NPM1: variants seen among roughly 807,000 people sequenced by gnomAD.
The protein encoded by NPM1 is nucleophosmin.
In NPM1, 1 loss-of-function variant was observed where a neutral mutation model predicts 44.1. The ratio of observed to expected loss-of-function variants is 0.02; its 90% CI spans 0.01 to 0.11. The LOEUF (loss-of-function observed/expected upper bound fraction) is 0.11. NPM1 is among the 10% of genes least tolerant of loss of function. The pLI is 1.00. For missense variants in NPM1, 197 were observed against 347.8 expected, an observed-to-expected ratio of 0.57 and a Z score of 3.45; for synonymous variants, 126 against 111.8, an observed-to-expected ratio of 1.13 and a Z score of -0.80.
chr5:171,388,129 TG>T lies in NPM1; in HGVS notation c.58+124del, dbSNP rs948287742. ...GAGACCGCCAGACCGACGGGAGGCC[TG>T]AGCGGGTGGGAAGAGCTGCCTGAGC... On this transcript the variant is annotated intron_variant, in intron 1 of 10. Coordinates refer to ENST00000296930, the MANE Select transcript of NPM1 (RefSeq NM_002520.7). The T allele has an allele frequency of 4.1e-5, 37 of 898,636 alleles. No individual in the cohort carries two copies. The African/African-American group carries it at 5.3e-4, about 13-fold the overall frequency. 55.7% of individuals were successfully genotyped at this position (898,636 alleles called of 1,614,324 possible).
chr5:171,409,917 C>T (rs1438024923), intron 10 of NPM1, among the ~76,000 whole-genome samples: 2 of 152,174 alleles, frequency 1.3e-5, no homozygotes, highest in South Asian at 2.1e-4. Context: ...ACCTCAGCCT[C>T]CTGAGTAGCT....
intron 9 of NPM1, 43 bp downstream of exon 9, chr5:171,405,446 A>C: frequency 1.2e-6 from 1 of 836,910 alleles, no homozygotes; most frequent in Non-Finnish European, 2.0e-6. Context: ...CCCCCCTCAA[A>C]TTGCACGTGT....
At chr5:171,397,216 T>C (rs1301939886) in intron 6 of NPM1, among the ~76,000 whole-genome samples, 3 of 152,250 alleles carry the variant, frequency 2.0e-5, no homozygotes, top group Admixed American at 6.5e-5. Context: ...ATCCATGTTA[T>C]AGCATTATCA....
intron 8 of NPM1, among the ~76,000 whole-genome samples, chr5:171,402,966 T>C (rs1011254235): frequency 1.1e-4 from 13 of 114,362 alleles, no homozygotes; most frequent in African/African-American, 3.3e-4. Context: ...TTTTTTTTTT[T>C]CATTTTATTT....
intron 9 of NPM1, chr5:171,406,348 C>A: frequency 2.6e-6 from 4 of 1,510,126 alleles, no homozygotes; most frequent in Admixed American, 1.7e-5. Context: ...CTTTTAGATG[C>A]CCCTCCCCTC....
rs1771385851 is a variant in NPM1, at chr5:171,403,725, C to T, written c.670-1577C>T. 4.2e-5 allele frequency among the ~76,000 whole-genome samples: 6 copies of T among 143,540 alleles called. No homozygotes were observed. In the South Asian group the frequency reaches 1.4e-3, roughly 32 times the overall value. 94.2% of individuals were successfully genotyped at this position (143,540 alleles called of 152,430 possible). A position where few individuals can be genotyped will look rare whatever the true frequency, so the allele number is the denominator to read the frequency against. On this transcript the variant is annotated intron_variant, in intron 8 of 10. Transcript: ENST00000296930. ...CTCCCTCCCGGACAGGGCGGCCGGC[C>T]GGGCGGGGGGCTGACCCCCCCACCT... is the stretch of plus-strand genomic sequence containing the variant.
chr5:171,408,491 G>GT (rs902088439), intron 10 of NPM1, among the ~76,000 whole-genome samples: 9 of 151,856 alleles, frequency 5.9e-5, no homozygotes, highest in South Asian at 4.2e-4. Context: ...CAATTAGCTG[G>GT]TTTTTTTTCT....
chr5:171,407,443 G>C, intron 9 of NPM1: 1 of 470,952 alleles, frequency 2.1e-6, no homozygotes, highest in East Asian at 3.8e-5. Context: ...CTCAAGTGTA[G>C]CTTATATTTT....
chr5:171,391,147 C>T (rs1305691698), intron 2 of NPM1, 158 bp from the exon 3 acceptor site: 8 of 815,510 alleles, frequency 9.8e-6, no homozygotes, highest in Non-Finnish European at 1.5e-5. Flanking sequence ...TGTATAAGCA[C>T]ATTCTTATGA....
At chr5:171,403,750 T>C (rs1771389638) in intron 8 of NPM1, among the ~76,000 whole-genome samples, 1 of 121,136 alleles carries the variant, frequency 8.3e-6, no homozygotes, top group Non-Finnish European at 1.7e-5. Flanking sequence ...CCCCCCCACC[T>C]CCCTCCCGGA....
intron 8 of NPM1, among the ~76,000 whole-genome samples, chr5:171,402,320 G>C (rs977803349): frequency 4.6e-5 from 7 of 151,144 alleles, no homozygotes; most frequent in African/African-American, 1.7e-4. Flanking sequence ...TCTCACACCA[G>C]TCAGAATAGC....
At chr5:171,397,820 A>G (rs1171309263) in intron 6 of NPM1, among the ~76,000 whole-genome samples, 1 of 69,866 alleles carries the variant, frequency 1.4e-5, no homozygotes, top group Non-Finnish European at 3.2e-5. Flanking sequence ...TTTTTTTTTG[A>G]CAAGTCTCTG....
At chr5:171,403,002 A>C (rs1294110797) in intron 8 of NPM1, among the ~76,000 whole-genome samples, 1 of 48,208 alleles carries the variant, frequency 2.1e-5, no homozygotes, top group Non-Finnish European at 4.4e-5. Context: ...TTTTATTTTT[A>C]TTTTTTTTTT....
At chr5:171,394,917 G>C (rs914016032) in intron 6 of NPM1, among the ~76,000 whole-genome samples, 4 of 152,064 alleles carry the variant, frequency 2.6e-5, no homozygotes, top group Non-Finnish European at 5.9e-5. Flanking sequence ...GGTGGCTCAC[G>C]CCTGTAATCC....
At chr5:171,400,696 T>C (rs895361393) in intron 7 of NPM1, 143 bp from the exon 8 acceptor site, 20 of 577,120 alleles carry the variant, frequency 3.5e-5, no homozygotes, top group Non-Finnish European at 6.2e-5. Context: ...TCCACCTGCC[T>C]CGGCCTCCCA....
chr5:171,399,101 G>A (rs1032081498), intron 6 of NPM1, among the ~76,000 whole-genome samples: 2 of 152,130 alleles, frequency 1.3e-5, no homozygotes, highest in Non-Finnish European at 2.9e-5. Flanking sequence ...TGGCCGTCTC[G>A]GCCTCCTAAA....
chr5:171,391,632 C>A, intron 3 of NPM1, 74 bp from the exon 4 acceptor site: 1 of 1,191,286 alleles, frequency 8.4e-7, no homozygotes, highest in Non-Finnish European at 1.2e-6. Flanking sequence ...GTTGATTTGG[C>A]TTATGTGTTT....
rs147806769 is a variant in NPM1, at chr5:171,391,423, C to T, written c.257C>T (p.Thr86Met). Residue 86 changes from threonine to methionine, a missense_variant and splice_region_variant, in exon 3 of 11, where the codon ACG becomes ATG. Physicochemically the swap from Thr to Met is moderately conservative, Grantham distance 81. Around this residue, in one of 5 missense-constraint regions of NPM1, gnomAD observed 43 missense variants for 109.6 expected, o/e 0.39. Transcript: ENST00000296930. Reference protein sequence around the residue: ...LATLKMSVQPTVSLGGFEITP... With the variant: ...LATLKMSVQPMVSLGGFEITP... ...ACTTTGAAAATGTCTGTACAGCCAACGGTAAGGGCACTTACATACTTTGGA... is the reference window on the plus strand; with the variant it reads ...ACTTTGAAAATGTCTGTACAGCCAATGGTAAGGGCACTTACATACTTTGGA... The T allele has an allele frequency of 7.8e-5, 126 of 1,606,170 alleles. No individual in the cohort carries two copies. Among genetic ancestry groups the T allele is most frequent in the Non-Finnish European group, 9.4e-5 (111 of 1,179,862 alleles).
intron 2 of NPM1, among the ~76,000 whole-genome samples, chr5:171,390,350 A>C (rs1299738256): frequency 6.6e-6 from 1 of 152,186 alleles, no homozygotes; most frequent in Admixed American, 6.5e-5. Flanking sequence ...ACACTGTTCA[A>C]CTTGCCTTAT....
Sources: gnomAD v4.1 joint callset for allele counts (sites outside exome capture counted in the v4.1 genomes callset) on GRCh38, gnomAD v4.1.1 for gene constraint, gnomAD v4.1.1 regional missense constraint, MANE v1.5 for transcripts, NCBI Gene and HGNC (gene_info 2026-07-23, HGNC 2026-07-21) for gene names.